Variants in NRG1 observed in about 807,000 individuals in gnomAD.
NRG1 encodes pro-neuregulin-1, membrane-bound isoform.
Under a neutral mutation model 63.8 loss-of-function variants are expected in NRG1, and 18 were observed. That is an observed-to-expected ratio of 0.28 (90% CI 0.19 to 0.42). The LOEUF (loss-of-function observed/expected upper bound fraction) is 0.42. Ranked by LOEUF, NRG1 falls within the 10% of genes least tolerant of loss-of-function variation. NRG1 has a pLI of 1.00. For missense variants in NRG1, 762 were observed against 814.7 expected, an observed-to-expected ratio of 0.94 and a Z score of 0.79; for synonymous variants, 302 against 301.3, an observed-to-expected ratio of 1.00 and a Z score of -0.02.
intron 1 of NRG1, among the ~76,000 whole-genome samples, chr8:32,333,679 T>A (rs957711789): frequency 6.6e-6 from 1 of 152,200 alleles, no homozygotes; most frequent in Non-Finnish European, 1.5e-5. Flanking sequence ...GTAAAATAAC[T>A]AATTATTGTT....
chr8:31,879,518 A>G (rs1001868171), intron 1 of NRG1, among the ~76,000 whole-genome samples: 6 of 152,284 alleles, frequency 3.9e-5, no homozygotes, highest in African/African-American at 1.4e-4. Flanking sequence ...ACTTTGATCC[A>G]GGGTCAGATC....
chr8:31,956,488 C>T (rs567308489), intron 1 of NRG1, among the ~76,000 whole-genome samples: 5 of 152,136 alleles, frequency 3.3e-5, no homozygotes, highest in African/African-American at 4.8e-5. Flanking sequence ...GGCATTGTGG[C>T]GGGTGCCCCC....
chr8:32,051,792 A>C (rs1822019714), intron 1 of NRG1, among the ~76,000 whole-genome samples: 1 of 152,274 alleles, frequency 6.6e-6, no homozygotes, highest in East Asian at 1.9e-4. Flanking sequence ...GGGGGATTCA[A>C]ATAAAAGACC....
At chr8:31,728,390 G>A (rs1378667117) in intron 1 of NRG1, among the ~76,000 whole-genome samples, 2 of 152,164 alleles carry the variant, frequency 1.3e-5, no homozygotes, top group Non-Finnish European at 2.9e-5. Context: ...CTTGAACCCC[G>A]GAGGCAGAGG....
intron 1 of NRG1, among the ~76,000 whole-genome samples, chr8:32,085,437 C>T (rs368075545): frequency 1.3e-5 from 2 of 152,142 alleles, no homozygotes; most frequent in African/African-American, 2.4e-5. Context: ...TTAATTACAC[C>T]GTTTGATGGC....
chr8:32,528,321 C>T (rs1052081951), intron 1 of NRG1, among the ~76,000 whole-genome samples: 1 of 152,136 alleles, frequency 6.6e-6, no homozygotes, highest in Admixed American at 6.6e-5. Context: ...AGCGCTGTTT[C>T]CCTGCAATCC....
chr8:32,648,064 G>A (rs746548876), intron 5 of NRG1: 2 of 1,614,038 alleles, frequency 1.2e-6, no homozygotes, highest in Non-Finnish European at 1.7e-6. Context: ...GACCCTGGGG[G>A]GTTAGGCCAG....
At chr8:31,660,417 C>G (rs1026767209) in intron 1 of NRG1, among the ~76,000 whole-genome samples, 2 of 152,178 alleles carry the variant, frequency 1.3e-5, no homozygotes, top group African/African-American at 4.8e-5. Flanking sequence ...ATAGTACTTT[C>G]TGGGTATATA....
chr8:32,223,849 G>A (rs1846065171), intron 1 of NRG1, among the ~76,000 whole-genome samples: 1 of 152,104 alleles, frequency 6.6e-6, no homozygotes, highest in Non-Finnish European at 1.5e-5. Flanking sequence ...GGAAAAATAA[G>A]CAGCAGCTGA....
At chr8:32,250,994 C>T (rs527570735) in intron 1 of NRG1, among the ~76,000 whole-genome samples, 1 of 152,046 alleles carries the variant, frequency 6.6e-6, no homozygotes, top group South Asian at 2.1e-4. Flanking sequence ...TGGAGGCAAA[C>T]AAGAAAGGCA....
At chr8:31,854,376 C>T (rs1434009733) in intron 1 of NRG1, among the ~76,000 whole-genome samples, 12 of 152,168 alleles carry the variant, frequency 7.9e-5, no homozygotes. Flanking sequence ...TCCATTTCTT[C>T]TAGATTTCTA....
intron 1 of NRG1, among the ~76,000 whole-genome samples, chr8:32,349,248 T>G (rs1253912727): frequency 6.6e-6 from 1 of 152,246 alleles, no homozygotes; most frequent in Admixed American, 6.5e-5. Context: ...GGGGCTGCGC[T>G]GTTAGGGACA....
chr8:32,279,869 C>T (rs966875549), intron 1 of NRG1, among the ~76,000 whole-genome samples: 5 of 152,162 alleles, frequency 3.3e-5, no homozygotes, highest in Non-Finnish European at 7.4e-5. Context: ...AATTAAGGAA[C>T]TCTCCACTGG....
chr8:32,581,652 G>C (rs1840661612), intron 1 of NRG1, among the ~76,000 whole-genome samples: 1 of 152,156 alleles, frequency 6.6e-6, no homozygotes, highest in Non-Finnish European at 1.5e-5. Flanking sequence ...AAACATGGAA[G>C]AGGGATACTT....
rs151287048 is a variant in NRG1 at position 32,150,415 on chromosome 8, T to G, written c.38-445413T>G. ...TCAAGAGATAAGGTCTTTGGGGAACTGATTAAGTCATGAGGGGTTCTCCAT... is the reference window on the plus strand; with the variant it reads ...TCAAGAGATAAGGTCTTTGGGGAACGGATTAAGTCATGAGGGGTTCTCCAT... On this transcript the variant is annotated intron_variant, in intron 1 of 10. Transcript: ENST00000519301. Among the ~76,000 whole-genome samples the G allele has an allele frequency of 3.9e-3, 599 of 152,320 alleles. 3 individuals are homozygous for G. The highest frequency in any genetic ancestry group is 0.014 in the Middle Eastern group (4 of 294).
At chr8:32,642,315 A>G (rs901943088) in intron 5 of NRG1, among the ~76,000 whole-genome samples, 4 of 152,268 alleles carry the variant, frequency 2.6e-5, no homozygotes, top group Non-Finnish European at 5.9e-5. Context: ...AAATACTGAT[A>G]GTCTTTGCCT....
At chr8:32,192,689 A>G (rs1842606209) in intron 1 of NRG1, among the ~76,000 whole-genome samples, 1 of 152,190 alleles carries the variant, frequency 6.6e-6, no homozygotes, top group Non-Finnish European at 1.5e-5. Flanking sequence ...GCATCACATA[A>G]CATAACCAAG....
chr8:32,578,562 A>G (rs1840078724), intron 1 of NRG1, among the ~76,000 whole-genome samples: 1 of 130,578 alleles, frequency 7.7e-6, no homozygotes, highest in South Asian at 2.5e-4. Flanking sequence ...GGTCCACTGC[A>G]TTGCTGATAG....
At chr8:31,884,399 C>T (rs1035460114) in intron 1 of NRG1, among the ~76,000 whole-genome samples, 12 of 152,064 alleles carry the variant, frequency 7.9e-5, no homozygotes, top group Non-Finnish European at 1.8e-4. Context: ...GATCTCTGAT[C>T]GCCAAAGCAG....
Sources: allele counts gnomAD v4.1 joint callset (sites outside exome capture counted in the v4.1 genomes callset), GRCh38; gene constraint gnomAD v4.1.1; transcripts MANE v1.5; gene names NCBI Gene and HGNC (gene_info 2026-07-23, HGNC 2026-07-21).